Variants in LYN observed in about 807,000 individuals in gnomAD.
The protein encoded by LYN is LYN proto-oncogene, Src family tyrosine kinase.
A neutral mutation model predicts 65.0 loss-of-function variants in LYN; 12 were observed. That is an observed-to-expected ratio of 0.18 (90% CI 0.12 to 0.30). The LOEUF (loss-of-function observed/expected upper bound fraction) is 0.30. Among genes scored for constraint, LYN ranks in the 10% least tolerant of loss-of-function variants. The pLI is 1.00. For missense variants in LYN, 380 were observed against 623.2 expected, an observed-to-expected ratio of 0.61 and a Z score of 4.16; for synonymous variants, 222 against 221.2, an observed-to-expected ratio of 1.00 and a Z score of -0.03.
chr8:55,885,768 C>T (rs1307764333), intron 1 of LYN, among the ~76,000 whole-genome samples: 1 of 152,216 alleles, frequency 6.6e-6, no homozygotes. Flanking sequence ...GAGAGCAGAA[C>T]TGTAGCCCGA....
intron 10 of LYN, among the ~76,000 whole-genome samples, chr8:55,979,598 C>G (rs1459982977): frequency 6.6e-6 from 1 of 152,114 alleles, no homozygotes; most frequent in Admixed American, 6.5e-5. Flanking sequence ...GCCCTTGCCC[C>G]CATTTAAGAC....
intron 10 of LYN, among the ~76,000 whole-genome samples, chr8:55,997,579 C>A (rs952372788): frequency 1.3e-5 from 2 of 152,164 alleles, no homozygotes; most frequent in African/African-American, 4.8e-5. Flanking sequence ...CCGTCCTGAT[C>A]TAATCACCTG....
intron 1 of LYN, among the ~76,000 whole-genome samples, chr8:55,929,089 A>T (rs372100134): frequency 1.5e-4 from 23 of 152,322 alleles, no homozygotes; most frequent in African/African-American, 4.8e-4. Context: ...TTTTTGAAAG[A>T]TCAGTTGACT....
rs1277026515 is a variant in LYN, at chr8:55,941,950, A to G, written c.91A>G (p.Ile31Val). 2 of 1,613,610 alleles carry G rather than the reference A, an allele frequency of 1.2e-6. No homozygotes were observed. Among genetic ancestry groups the G allele is most frequent in the South Asian group, 1.1e-5 (1 of 91,072 alleles). The stretch of plus-strand genomic sequence containing the variant: ...ACCAGTACGTAATACTGAAAGAACT[A>G]TTTATGTGAGAGATCCAACGTCCAA... The part of the protein sequence containing the change: ...TQPVRNTERT[I>V]YVRDPTSNKQ... The change falls in exon 2 of 13, where the codon ATT becomes GTT. Residue 31 changes from isoleucine to valine, a missense_variant. Coordinates refer to ENST00000519728, the MANE Select transcript of LYN (RefSeq NM_002350.4).
rs115533771 is a variant in LYN at position 55,902,399 on chromosome 8, C to T, written c.-6+22296C>T. ...TTGGAGTGCAGTGGCGTGAATTCAG[C>T]TCACTGCAACTTCCGCCTCCCAGGT... is the stretch of plus-strand genomic sequence containing the variant. On this transcript the variant is annotated intron_variant, in intron 1 of 12. Transcript: ENST00000519728. 4.7e-3 allele frequency among the ~76,000 whole-genome samples: 707 copies of T among 149,772 alleles called. 6 individuals carry two copies. Among genetic ancestry groups the T allele is most frequent in the African/African-American group, 0.016 (655 of 40,650 alleles).
At chr8:55,985,269 C>G (rs1808045052) in intron 10 of LYN, among the ~76,000 whole-genome samples, 1 of 152,198 alleles carries the variant, frequency 6.6e-6, no homozygotes. Context: ...AAATGCTTGA[C>G]CTTGCTTCTT....
chr8:55,979,265 C>T (rs952264800), intron 10 of LYN, among the ~76,000 whole-genome samples: 2 of 152,124 alleles, frequency 1.3e-5, no homozygotes, highest in African/African-American at 2.4e-5. Context: ...TGGTCCTGAA[C>T]TCCCAACCTC....
intron 1 of LYN, among the ~76,000 whole-genome samples, chr8:55,938,711 T>A (rs1482676073): frequency 6.6e-6 from 1 of 152,226 alleles, no homozygotes; most frequent in Admixed American, 6.5e-5. Flanking sequence ...AGAGGTAGCC[T>A]ATAAAAATAA....
rs933759252 is a variant in LYN at position 55,890,722 on chromosome 8, T to C, written c.-6+10619T>C. Among the ~76,000 whole-genome samples the C allele has an allele frequency of 6.9e-5, 7 of 102,186 alleles. No individual in the cohort carries two copies. The South Asian group carries it at 2.1e-3, about 31-fold the overall frequency. The allele number at this position is 102,186 out of a possible 152,430, so 67.0% of individuals were successfully genotyped here. A position where few individuals can be genotyped will look rare whatever the true frequency, so the allele number is the denominator to read the frequency against. On this transcript the variant is annotated intron_variant, in intron 1 of 12. Coordinates refer to ENST00000519728, the MANE Select transcript of LYN (RefSeq NM_002350.4). The stretch of plus-strand genomic sequence containing the variant: ...AAATAAAATGTGGTTTATATGTACA[T>C]TGGAATTTTTTTTTTTTTTTTTTGA...
intron 1 of LYN, among the ~76,000 whole-genome samples, chr8:55,937,831 G>T (rs936562979): frequency 6.6e-5 from 10 of 152,142 alleles, no homozygotes; most frequent in African/African-American, 2.4e-4. Context: ...GAGAAGCTGG[G>T]ACTACAGACG....
At chr8:55,960,182 A>C (rs1266619479) in intron 8 of LYN, among the ~76,000 whole-genome samples, 2 of 152,250 alleles carry the variant, frequency 1.3e-5, no homozygotes, top group African/African-American at 2.4e-5. Context: ...TTATATTTCA[A>C]TAAAGCTGGC....
chr8:55,972,754 T>A (rs1807644326), intron 10 of LYN, among the ~76,000 whole-genome samples: 1 of 152,182 alleles, frequency 6.6e-6, no homozygotes, highest in Admixed American at 6.5e-5. Flanking sequence ...GTGACAGAGA[T>A]CCCTGGGGCC....
At chr8:55,888,036 A>AT (rs1159470047) in intron 1 of LYN, among the ~76,000 whole-genome samples, 1 of 152,226 alleles carries the variant, frequency 6.6e-6, no homozygotes, top group Non-Finnish European at 1.5e-5. Flanking sequence ...CTTGATGGAT[A>AT]TAATTGTAAG....
At chr8:55,929,340 G>A (rs993290518) in intron 1 of LYN, among the ~76,000 whole-genome samples, 1 of 152,132 alleles carries the variant, frequency 6.6e-6, no homozygotes, top group South Asian at 2.1e-4. Flanking sequence ...GAATACAGTC[G>A]GGATGATGCT....
chr8:55,908,391 C>G (rs1267253487), intron 1 of LYN, among the ~76,000 whole-genome samples: 1 of 151,694 alleles, frequency 6.6e-6, no homozygotes, highest in Admixed American at 6.6e-5. Flanking sequence ...ATTACAGGCA[C>G]CCCCCACCGC....
Position 55,941,976 on chromosome 8 carries a change from T to C in LYN, c.117T>C (p.Asn39=), listed in dbSNP as rs1585622133. The part of the protein sequence containing the change: ...RTIYVRDPTS[N]KQQRPVPESQ... ...TTTATGTGAGAGATCCAACGTCCAATAAACAGCAAAGGCCAGTAAGTAGAT... is the reference window on the plus strand; with the variant it reads ...TTTATGTGAGAGATCCAACGTCCAACAAACAGCAAAGGCCAGTAAGTAGAT... Residue 39 remains asparagine, a synonymous_variant, in exon 2 of 13, where the codon AAT becomes AAC. Transcript: ENST00000519728. The C allele has an allele frequency of 3.1e-6, 5 of 1,613,620 alleles. No individual in the cohort carries two copies. The highest frequency in any genetic ancestry group is 4.2e-6 in the Non-Finnish European group (5 of 1,179,854).
At chr8:55,891,311 G>C (rs13274372) in intron 1 of LYN, among the ~76,000 whole-genome samples, 58,247 of 149,424 alleles carry the variant, frequency 0.39, 12,031 homozygotes, top group East Asian at 0.68. Context: ...GAGATCCCGC[G>C]ACTGCACTCC....
At chr8:55,998,718 T>C (rs1808440436) in intron 11 of LYN, among the ~76,000 whole-genome samples, 1 of 152,222 alleles carries the variant, frequency 6.6e-6, no homozygotes, top group South Asian at 2.1e-4. Context: ...GGCTTACAAA[T>C]GCTATCAGTT....
rs2130585342 is a variant in LYN, at chr8:55,999,516, G to A, written c.1303G>A (p.Glu435Lys). ...GTGGTCCTTTGGAATCCTCCTATAC[G>A]AAATTGTCACCTATGGGAAAATTCC... ...DVWSFGILLY[E>K]IVTYGKIPYP... The change falls in exon 12 of 13, where the codon GAA becomes AAA. Residue 435 changes from glutamate (E) to lysine (K), a missense_variant. Physicochemically the swap from Glu to Lys is moderately conservative, Grantham distance 56. Coordinates refer to ENST00000519728, the MANE Select transcript of LYN (RefSeq NM_002350.4). 6.2e-7 allele frequency: 1 copy of A among 1,613,656 alleles called. No individual in the cohort carries two copies. The highest frequency in any genetic ancestry group is 8.5e-7 in the Non-Finnish European group (1 of 1,179,606).
Sources: gnomAD v4.1 joint callset for allele counts (sites outside exome capture counted in the v4.1 genomes callset) on GRCh38, gnomAD v4.1.1 for gene constraint, MANE v1.5 for transcripts, NCBI Gene and HGNC (gene_info 2026-07-23, HGNC 2026-07-21) for gene names.